RHOBTB3: variants seen among roughly 807,000 people sequenced by gnomAD.
RHOBTB3 encodes the protein Rho related BTB domain containing 3.
Under a neutral mutation model 67.2 loss-of-function variants are expected in RHOBTB3, and 47 were observed. The ratio of observed to expected loss-of-function variants is 0.70; its 90% CI spans 0.55 to 0.89. The LOEUF (loss-of-function observed/expected upper bound fraction) is 0.89. Among genes scored for constraint, RHOBTB3 ranks in the 40% least tolerant of loss-of-function variants. RHOBTB3 has a pLI of 0.00. For synonymous variants in RHOBTB3, 273 were observed against 274.2 expected (o/e 1.00, Z 0.04); for missense variants, 631 against 750.0 (o/e 0.84, Z 1.85).
At chr5:95,737,582 C>T (rs904646039) in intron 3 of RHOBTB3, among the ~76,000 whole-genome samples, 2 of 151,420 alleles carry the variant, frequency 1.3e-5, no homozygotes, top group African/African-American at 4.9e-5. Context: ...GCCATTGCTG[C>T]TGTGCATATT....
chr5:95,733,643 T>G (rs1032346431), intron 2 of RHOBTB3, among the ~76,000 whole-genome samples: 1 of 152,222 alleles, frequency 6.6e-6, no homozygotes, highest in African/African-American at 2.4e-5. Flanking sequence ...AATAACTTTT[T>G]GTTTGGTTAG....
At chr5:95,756,675 AT>A (rs1366368898) in intron 6 of RHOBTB3, among the ~76,000 whole-genome samples, 1 of 151,786 alleles carries the variant, frequency 6.6e-6, no homozygotes, top group Non-Finnish European at 1.5e-5. Context: ...CTTGCTGTTT[AT>A]TTTTTTTAAT....
intron 7 of RHOBTB3, among the ~76,000 whole-genome samples, chr5:95,765,713 A>G (rs1405558957): frequency 6.6e-6 from 1 of 152,128 alleles, no homozygotes; most frequent in Non-Finnish European, 1.5e-5. Context: ...CCAGGCTGGA[A>G]TGCAGTGGTG....
intron 8 of RHOBTB3, among the ~76,000 whole-genome samples, chr5:95,779,550 G>A (rs918618482): frequency 6.6e-6 from 1 of 152,150 alleles, no homozygotes; most frequent in African/African-American, 2.4e-5. Context: ...AATTCAGTTC[G>A]GTGAGTTCAG....
intron 2 of RHOBTB3, chr5:95,732,601 TATTA>T (rs568981134): frequency 1.0e-4 from 17 of 163,430 alleles, no homozygotes; most frequent in Non-Finnish European, 5.3e-5. Flanking sequence ...TTTATAGCAC[TATTA>T]ATTGATCTCT....
Position 95,748,406 on chromosome 5 carries a change from A to G in RHOBTB3, c.489A>G (p.Gln163=), listed in dbSNP as rs1744993888. 1 of 1,613,648 alleles carries G rather than the reference A, an allele frequency of 6.2e-7. No individual in the cohort carries two copies. The highest frequency in any genetic ancestry group is 8.5e-7 in the Non-Finnish European group (1 of 1,179,596). ...GSCVSTTEGI[Q]LAKELGATYL... is the part of the protein sequence containing the mutation. The stretch of plus-strand genomic sequence containing the variant: ...GTGTTAGTACAACTGAAGGGATCCA[A>G]CTTGCAAAAGAACTAGGAGCGACCT... Residue 163 remains glutamine (Q), a synonymous_variant, in exon 4 of 12, where the codon CAA becomes CAG. Coordinates refer to ENST00000379982, the MANE Select transcript of RHOBTB3 (RefSeq NM_014899.4).
At chr5:95,735,450 G>A (rs1394769510) in intron 2 of RHOBTB3, among the ~76,000 whole-genome samples, 1 of 152,074 alleles carries the variant, frequency 6.6e-6, no homozygotes, top group Non-Finnish European at 1.5e-5. Context: ...CTTCAGAAGG[G>A]CATTGCTGTG....
chr5:95,772,367 C>G (rs1171915277), intron 8 of RHOBTB3, among the ~76,000 whole-genome samples: 1 of 152,164 alleles, frequency 6.6e-6, no homozygotes, highest in Non-Finnish European at 1.5e-5. Context: ...GCTACTGGTT[C>G]CATGGCCAGG....
chr5:95,731,667 C>G lies in RHOBTB3; in HGVS notation c.-16C>G, dbSNP rs1338355885. On this transcript the variant is annotated 5_prime_UTR_variant, in exon 1 of 12. Transcript: ENST00000379982. ...GCTTTTCTCCGAGTCGCCGCCCTGC[C>G]CTTGGATTTGAGATCATGTACGTAC... 6 of 1,613,294 alleles carry G rather than the reference C, an allele frequency of 3.7e-6. No homozygotes were observed. The highest frequency in any genetic ancestry group is 4.2e-6 in the Non-Finnish European group (5 of 1,179,786).
At chr5:95,725,557 T>C (rs1755029132) in intron 1 of RHOBTB3, among the ~76,000 whole-genome samples, 1 of 152,268 alleles carries the variant, frequency 6.6e-6, no homozygotes, top group African/African-American at 2.4e-5. Context: ...TTTAGGAATG[T>C]TTATTTTATA....
upstream of RHOBTB3, among the ~76,000 whole-genome samples, chr5:95,727,418 G>A (rs1755089029): frequency 6.6e-6 from 1 of 152,152 alleles, no homozygotes; most frequent in African/African-American, 2.4e-5. Context: ...CACAATTTGG[G>A]GACTAGTAAT....
At chr5:95,752,185 T>A (rs1263839330) in intron 4 of RHOBTB3, 54 bp from the exon 5 acceptor site, 1 of 1,075,840 alleles carries the variant, frequency 9.3e-7, no homozygotes, top group Admixed American at 2.2e-5. Flanking sequence ...CAAATTTTCA[T>A]GTTGGATATA....
At position 95,752,394 on chromosome 5, in the gene RHOBTB3, T is replaced by C. The variant is rs1163616508; in HGVS notation, c.682+44T>C. 3 of 1,226,560 alleles carry C rather than the reference T, an allele frequency of 2.4e-6. No homozygotes were observed. In the South Asian group the frequency reaches 3.9e-5, roughly 16 times the overall value. 76.0% of individuals were successfully genotyped at this position (1,226,560 alleles called of 1,614,324 possible). A position where few individuals can be genotyped will look rare whatever the true frequency, so the allele number is the denominator to read the frequency against. On this transcript the variant is annotated intron_variant, in intron 5 of 11. Coordinates refer to ENST00000379982, the MANE Select transcript of RHOBTB3 (RefSeq NM_014899.4). ...GTCTAGACATTCATTAAACATTCAT[T>C]ACAGATCCTTTCTCACAGGTCTTAG...
At chr5:95,763,430 G>GT (rs1286578666) in intron 6 of RHOBTB3, 78 bp from the exon 7 acceptor site, 19 of 820,096 alleles carry the variant, frequency 2.3e-5, no homozygotes, top group Middle Eastern at 4.6e-4. Context: ...AAAAGGGAAT[G>GT]TTGTATTTAA....
rs780872797 is a variant in RHOBTB3 at position 95,755,710 on chromosome 5, G to A, written c.997G>A (p.Asp333Asn). 1 of 1,614,054 alleles carries A rather than the reference G, an allele frequency of 6.2e-7. No individual in the cohort carries two copies. Among genetic ancestry groups the A allele is most frequent in the South Asian group, 1.1e-5 (1 of 91,076 alleles). The stretch of plus-strand genomic sequence containing the variant: ...CCCACCATTACGAGTCATTGTTAAA[G>A]ACGCCCTCTTCTGTTCTTGTTTATC... ...GNPPLRVIVKDALFCSCLSDI... is the reference protein window; with the variant it reads ...GNPPLRVIVKNALFCSCLSDI... Residue 333 changes from aspartate (D) to asparagine (N), a missense_variant, in exon 6 of 12, where the codon GAC becomes AAC. Transcript: ENST00000379982.
intron 8 of RHOBTB3, among the ~76,000 whole-genome samples, chr5:95,778,515 CTG>C (rs1745957281): frequency 6.6e-6 from 1 of 151,636 alleles, no homozygotes; most frequent in African/African-American, 2.4e-5. Context: ...TTTTGCAACT[CTG>C]TTATAACCAC....
intron 6 of RHOBTB3, among the ~76,000 whole-genome samples, chr5:95,760,383 C>G (rs1377896825): frequency 6.6e-6 from 1 of 152,142 alleles, no homozygotes; most frequent in Non-Finnish European, 1.5e-5. Context: ...GTCATATGAT[C>G]TCAGATGGTT....
At chr5:95,770,187 G>T in intron 8 of RHOBTB3, 1 of 266,938 alleles carries the variant, frequency 3.7e-6, no homozygotes, top group Non-Finnish European at 7.8e-6. Flanking sequence ...GTGAATGAAT[G>T]GCAAAACTTT....
At chr5:95,755,122 A>G (rs1243888757) in intron 5 of RHOBTB3, among the ~76,000 whole-genome samples, 2 of 152,204 alleles carry the variant, frequency 1.3e-5, no homozygotes, top group East Asian at 3.8e-4. Flanking sequence ...CATTTGCTCT[A>G]TAAAATGTAA....
Sources: allele counts gnomAD v4.1 joint callset (sites outside exome capture counted in the v4.1 genomes callset), GRCh38; gene constraint gnomAD v4.1.1; transcripts MANE v1.5; gene names NCBI Gene and HGNC (gene_info 2026-07-23, HGNC 2026-07-21).